DCUN1D5: variants seen among roughly 807,000 people sequenced by gnomAD.
DCUN1D5 encodes DCN1-like protein 5.
Under a neutral mutation model 38.3 loss-of-function variants are expected in DCUN1D5, and 10 were observed. That is an observed-to-expected ratio of 0.26 (90% CI 0.16 to 0.44). DCUN1D5 has a LOEUF of 0.44. Among genes scored for constraint, DCUN1D5 ranks in the 20% least tolerant of loss-of-function variants. DCUN1D5 has a pLI of 1.00. For synonymous variants in DCUN1D5, 93 were observed against 90.9 expected (o/e 1.02, Z -0.13); for missense variants, 148 against 275.3 (o/e 0.54, Z 3.27).
Position 103,066,209 on chromosome 11 carries a change from G to T in DCUN1D5, c.555+60C>A. On this transcript the variant is annotated intron_variant, in intron 6 of 7. Coordinates refer to ENST00000260247, the MANE Select transcript of DCUN1D5 (RefSeq NM_032299.4). The surrounding 1 kb of genome is among the most constrained non-coding windows in gnomAD (Gnocchi z 4.7). ...TTAAAAATCTACTTGTTCCTCAAAA[G>T]TATAACTTTCAGATTAAGTTTTAAA... 8.8e-7 allele frequency: 1 copy of T among 1,130,378 alleles called. No homozygotes were observed. The highest frequency in any genetic ancestry group is 1.2e-6 in the Non-Finnish European group (1 of 804,056). 70.0% of individuals were successfully genotyped at this position (1,130,378 alleles called of 1,614,324 possible).
chr11:103,091,846 G>A lies in DCUN1D5; in HGVS notation c.27C>T (p.Ser9=), dbSNP rs1434206600. 3 of 1,613,882 alleles carry A rather than the reference G, an allele frequency of 1.9e-6. No homozygotes were observed. Among genetic ancestry groups the A allele is most frequent in the Non-Finnish European group, 2.5e-6 (3 of 1,179,860 alleles). The change falls in exon 1 of 8, where the codon TCC becomes TCT. Residue 9 remains serine, a synonymous_variant. Transcript: ENST00000260247. The surrounding 1 kb of genome is among the most constrained non-coding windows in gnomAD (Gnocchi z 4.3). The stretch of plus-strand genomic sequence containing the variant: ...CCGCTACTGCTGCTGCCACCCCAGG[G>A]GATTTTCTCTTCTTCTTCACCGGCA... The part of the protein sequence containing the change: MPVKKKRK[S]PGVAAAVAED...
rs1173815186 is a variant in DCUN1D5, at chr11:103,083,183, G to A, written c.249+73C>T. ...TAAAATCTTCATACAAGATTAAAGTGTCTCGATTTTTAGTAATTTACGAAT... is the reference window on the plus strand; with the variant it reads ...TAAAATCTTCATACAAGATTAAAGTATCTCGATTTTTAGTAATTTACGAAT... On this transcript the variant is annotated intron_variant, in intron 3 of 7. Transcript: ENST00000260247. This position sits in a 1 kb window ranked among gnomAD's most constrained non-coding sequence, Gnocchi z 4.4. 2 of 739,822 alleles carry A rather than the reference G, an allele frequency of 2.7e-6. No homozygotes were observed. Among genetic ancestry groups the A allele is most frequent in the Admixed American group, 4.6e-5 (2 of 43,458 alleles). The allele number at this position is 739,822 out of a possible 1,614,324, so 45.8% of individuals were successfully genotyped here.
At position 103,062,357 on chromosome 11, in the gene DCUN1D5, T is replaced by G. The variant is rs750056729; in HGVS notation, c.*2A>C. On this transcript the variant is annotated 3_prime_UTR_variant, in exon 8 of 8. Transcript: ENST00000260247. The surrounding 1 kb of genome is among the most constrained non-coding windows in gnomAD (Gnocchi z 4.6). ...GTTTGCATTTTCTTCACATAGTTCT[T>G]GCTATGATGTCTGACGGACTTTTTG... 6.2e-7 allele frequency: 1 copy of G among 1,613,548 alleles called. No homozygotes were observed. The highest frequency in any genetic ancestry group is 1.1e-5 in the South Asian group (1 of 91,044).
rs1250893301 is a variant in DCUN1D5 at position 103,065,337 on chromosome 11, A to G, written c.555+932T>C. Among the ~76,000 whole-genome samples the G allele has an allele frequency of 6.6e-6, 1 of 152,196 alleles. No individual in the cohort carries two copies. The highest frequency in any genetic ancestry group is 1.9e-4 in the East Asian group (1 of 5,180). On this transcript the variant is annotated intron_variant, in intron 6 of 7. Coordinates refer to ENST00000260247, the MANE Select transcript of DCUN1D5 (RefSeq NM_032299.4). This position sits in a 1 kb window ranked among gnomAD's most constrained non-coding sequence, Gnocchi z 4.6. The stretch of plus-strand genomic sequence containing the variant: ...CAGCTAATTTTTTGTGTGTATTTTT[A>G]GTAGAGACGGGGATTCACCATGTTG...
intron 2 of DCUN1D5, among the ~76,000 whole-genome samples, chr11:103,084,803 A>G (rs1417660950): frequency 6.6e-6 from 1 of 151,568 alleles, no homozygotes; most frequent in Admixed American, 6.6e-5. Flanking sequence ...AAACCTGCAC[A>G]ACACAGGGAG....
rs1862860889 is a variant in DCUN1D5 at position 103,091,406 on chromosome 11, G to A, written c.86+381C>T. ...GAAATTCTAGAAGTGACCCTTCTGC[G>A]GATATGTACTCACTTCTAAGTCTAG... On this transcript the variant is annotated intron_variant, in intron 1 of 7. Transcript: ENST00000260247. This position sits in a 1 kb window ranked among gnomAD's most constrained non-coding sequence, Gnocchi z 4.3. The A allele has an allele frequency of 5.2e-6, 1 of 193,312 alleles. No homozygotes were observed. Among genetic ancestry groups the A allele is most frequent in the Non-Finnish European group, 1.1e-5 (1 of 91,976 alleles). 12.0% of individuals were successfully genotyped at this position (193,312 alleles called of 1,614,324 possible).
rs1164379314 is a variant in DCUN1D5 at position 103,057,652 on chromosome 11, C to T, written c.*4707G>A. 1.3e-5 allele frequency among the ~76,000 whole-genome samples: 2 copies of T among 151,526 alleles called. No homozygotes were observed. The highest frequency in any genetic ancestry group is 2.4e-5 in the African/African-American group (1 of 41,236). ...CGAGAATCTCTTGAACCCAGGAGGT[C>T]GAGGCTGCAGTGAGCTGAGACCGCA... On this transcript the variant is annotated 3_prime_UTR_variant, in exon 8 of 8. Coordinates refer to ENST00000260247, the MANE Select transcript of DCUN1D5 (RefSeq NM_032299.4). This position sits in a 1 kb window ranked among gnomAD's most constrained non-coding sequence, Gnocchi z 4.8.
At chr11:103,074,553 GCAC>G (rs1862362239) in intron 4 of DCUN1D5, among the ~76,000 whole-genome samples, 1 of 152,106 alleles carries the variant, frequency 6.6e-6, no homozygotes, top group Non-Finnish European at 1.5e-5. Flanking sequence ...CTATGGGCGT[GCAC>G]CACCACATCC....
intron 2 of DCUN1D5, 129 bp downstream of exon 2, chr11:103,089,098 G>A (rs1278678234): frequency 5.0e-6 from 4 of 807,436 alleles, no homozygotes; most frequent in African/African-American, 3.5e-5. Context: ...ACAATCTTCA[G>A]TCCTGACCCT....
chr11:103,069,678 G>A (rs911952992), intron 4 of DCUN1D5, among the ~76,000 whole-genome samples: 1 of 152,190 alleles, frequency 6.6e-6, no homozygotes, highest in African/African-American at 2.4e-5. Context: ...AGACAAGAAA[G>A]CATCAGTAAA....
rs1178809839 is a variant in DCUN1D5, at chr11:103,073,773, A to ACAAT, written c.342-7210_342-7207dup. On this transcript the variant is annotated intron_variant, in intron 4 of 7. Coordinates refer to ENST00000260247, the MANE Select transcript of DCUN1D5 (RefSeq NM_032299.4). This position sits in a 1 kb window ranked among gnomAD's most constrained non-coding sequence, Gnocchi z 4.2. ...AATTCTTAGACTTGACATCAAAAGT[A>ACAAT]CAATCAAAAGTACATCAAAACTGAG... 4.6e-5 allele frequency among the ~76,000 whole-genome samples: 7 copies of ACAAT among 152,198 alleles called. No individual in the cohort carries two copies. The highest frequency in any genetic ancestry group is 8.8e-5 in the Non-Finnish European group (6 of 68,018).
At chr11:103,072,327 A>AGGATCTAGAACTAGATCTAGATCT (rs1565287947) in intron 4 of DCUN1D5, among the ~76,000 whole-genome samples, 3 of 131,548 alleles carry the variant, frequency 2.3e-5, no homozygotes, top group Non-Finnish European at 4.8e-5. Context: ...TGATTCCTCA[A>AGGATCTAGAACTAGATCTAGATCT]GGATCTAGAA....
At position 103,083,760 on chromosome 11, in the gene DCUN1D5, AAT is replaced by A. The variant is rs1300097904; in HGVS notation, c.179-436_179-435del. 6.6e-6 allele frequency among the ~76,000 whole-genome samples: 1 copy of A among 152,144 alleles called. No homozygotes were observed. Among genetic ancestry groups the A allele is most frequent in the Non-Finnish European group, 1.5e-5 (1 of 67,974 alleles). ...AGTTCAATACAGTAATCAGAAGGGGAATATATTTACCTATAAAACAGGCCATT... is the reference window on the plus strand; with the variant it reads ...AGTTCAATACAGTAATCAGAAGGGGAATATTTACCTATAAAACAGGCCATT... On this transcript the variant is annotated intron_variant, in intron 2 of 7. Transcript: ENST00000260247. The surrounding 1 kb of genome is among the most constrained non-coding windows in gnomAD (Gnocchi z 4.4).
At chr11:103,088,201 T>C (rs1305982452) in intron 2 of DCUN1D5, among the ~76,000 whole-genome samples, 1 of 152,158 alleles carries the variant, frequency 6.6e-6, no homozygotes, top group Non-Finnish European at 1.5e-5. Flanking sequence ...CAAAGTATAC[T>C]ACTTTAGACC....
rs1389868192 is a variant in DCUN1D5, at chr11:103,055,968, A to T, written c.*6391T>A. On this transcript the variant is annotated 3_prime_UTR_variant, in exon 8 of 8. Coordinates refer to ENST00000260247, the MANE Select transcript of DCUN1D5 (RefSeq NM_032299.4). ...TCGCCATCTTATTAATGCCCACTTC[A>T]TTCTTCAAGCCAAAAACCTTGATCA... Among the ~76,000 whole-genome samples the T allele has an allele frequency of 6.6e-6, 1 of 152,164 alleles. No homozygotes were observed. The highest frequency in any genetic ancestry group is 2.4e-5 in the African/African-American group (1 of 41,442).
Position 103,066,665 on chromosome 11 carries a change from G to A in DCUN1D5, c.342-98C>T, listed in dbSNP as rs183040908. On this transcript the variant is annotated intron_variant, in intron 4 of 7. Transcript: ENST00000260247. This position sits in a 1 kb window ranked among gnomAD's most constrained non-coding sequence, Gnocchi z 4.7. ...GTAATGCATTAAGAAAAAAGTGAGC[G>A]CATTTATGAAGTTAATTTAGTTTTA... 251 of 629,316 alleles carry A rather than the reference G, an allele frequency of 4.0e-4. No individual in the cohort carries two copies. The highest frequency in any genetic ancestry group is 3.7e-3 in the African/African-American group (193 of 52,554). The allele number at this position is 629,316 out of a possible 1,614,324, so 39.0% of individuals were successfully genotyped here.
Position 103,066,574 on chromosome 11 carries a change from T to G in DCUN1D5, c.342-7A>C, listed in dbSNP as rs748640800. 3.2e-6 allele frequency: 5 copies of G among 1,541,926 alleles called. No individual in the cohort carries two copies. The highest frequency in any genetic ancestry group is 3.6e-6 in the Non-Finnish European group (4 of 1,119,486). ...CTTTTCTGTGCAGTCACACCTTAAATAAAAGAAATATCAAACAAATTACAT... is the reference window on the plus strand; with the variant it reads ...CTTTTCTGTGCAGTCACACCTTAAAGAAAAGAAATATCAAACAAATTACAT... On this transcript the variant is annotated splice_region_variant and splice_polypyrimidine_tract_variant and intron_variant, in intron 4 of 7. Transcript: ENST00000260247. This position sits in a 1 kb window ranked among gnomAD's most constrained non-coding sequence, Gnocchi z 4.7.
rs1214434985 is a variant in DCUN1D5, at chr11:103,083,671, G to C, written c.179-345C>G. 6.6e-6 allele frequency among the ~76,000 whole-genome samples: 1 copy of C among 151,718 alleles called. No homozygotes were observed. Among genetic ancestry groups the C allele is most frequent in the Non-Finnish European group, 1.5e-5 (1 of 67,872 alleles). The stretch of plus-strand genomic sequence containing the variant: ...CTGAATAAAATTTTTGACAATGCAT[G>C]AATATGAAAAAACATAAGGCAGCTG... On this transcript the variant is annotated intron_variant, in intron 2 of 7. Coordinates refer to ENST00000260247, the MANE Select transcript of DCUN1D5 (RefSeq NM_032299.4). This position sits in a 1 kb window ranked among gnomAD's most constrained non-coding sequence, Gnocchi z 4.4.
rs570429587 is a variant in DCUN1D5 at position 103,078,827 on chromosome 11, A to G, written c.341+3921T>C. Among the ~76,000 whole-genome samples, 1 of 152,300 alleles carries G rather than the reference A, an allele frequency of 6.6e-6. No homozygotes were observed. Among genetic ancestry groups the G allele is most frequent in the South Asian group, 2.1e-4 (1 of 4,828 alleles). On this transcript the variant is annotated intron_variant, in intron 4 of 7. Coordinates refer to ENST00000260247, the MANE Select transcript of DCUN1D5 (RefSeq NM_032299.4). This position sits in a 1 kb window ranked among gnomAD's most constrained non-coding sequence, Gnocchi z 4.6. ...ACAAACAAAATCCTAATCATTCTTC[A>G]TGTTCTAGTTCACAGGCCACACCTA...
Sources: gnomAD v4.1 joint callset for allele counts (sites outside exome capture counted in the v4.1 genomes callset) on GRCh38, gnomAD v4.1.1 for gene constraint, Gnocchi (gnomAD v3.1) non-coding constraint, MANE v1.5 for transcripts, NCBI Gene and HGNC (gene_info 2026-07-23, HGNC 2026-07-21) for gene names.